BTBD8: variants seen among roughly 807,000 people sequenced by gnomAD.
The protein encoded by BTBD8 is BTB domain containing 8, also known as BTB/POZ domain-containing protein 8.
A neutral mutation model predicts 162.9 loss-of-function variants in BTBD8; 110 were observed. The ratio of observed to expected loss-of-function variants is 0.68; its 90% CI spans 0.58 to 0.79. The LOEUF (loss-of-function observed/expected upper bound fraction) is 0.79, where lower values mean the gene tolerates loss of function less well. BTBD8 is among the 30% of genes least tolerant of loss of function. BTBD8 has a pLI of 0.00. For synonymous variants in BTBD8, 667 were observed against 716.1 expected (o/e 0.93, Z 1.10); for missense variants, 1,905 against 2,085.4 (o/e 0.91, Z 1.68).
chr1:92,182,091 G>A lies in BTBD8; in HGVS notation c.4408G>A (p.Asp1470Asn). 3 of 1,551,566 alleles carry A rather than the reference G, an allele frequency of 1.9e-6. No homozygotes were observed. The highest frequency in any genetic ancestry group is 2.6e-6 in the Non-Finnish European group (3 of 1,146,932). The change falls in exon 17 of 18, where the codon GAT (aspartate) becomes AAT (asparagine). Residue 1470 changes from aspartate (D) to asparagine (N), a missense_variant. Asp to Asn is a conservative substitution (Grantham distance 23). Coordinates refer to ENST00000636805, the MANE Select transcript of BTBD8 (RefSeq NM_001376131.1). ...TTCTGTAGATTCTTTTTCACCTTCT[G>A]ATGTTTTTGATGGCATTTCTCATGA... ...QASVDSFSPS[D>N]VFDGISHEHH...
At chr1:92,168,819 A>C in intron 11 of BTBD8, 47 bp from the exon 12 acceptor site, 1 of 1,456,780 alleles carries the variant, frequency 6.9e-7, no homozygotes, top group Non-Finnish European at 9.2e-7. Flanking sequence ...ACTGGTTGCT[A>C]TGACAATGTG....
At chr1:92,104,459 A>G (rs1648673889) in intron 3 of BTBD8, among the ~76,000 whole-genome samples, 2 of 152,238 alleles carry the variant, frequency 1.3e-5, no homozygotes, top group Non-Finnish European at 2.9e-5. Flanking sequence ...TCTAAGACTC[A>G]GAGAGCATAA....
rs79606793 is a variant in BTBD8, at chr1:92,176,927, G to C, written c.1734G>C (p.Lys578Asn). The change falls in exon 14 of 18, where the codon AAG becomes AAC. Residue 578 changes from lysine to asparagine, a missense_variant. By Grantham distance (94) the Lys-to-Asn change is moderately conservative. Around this residue, in one of 3 missense-constraint regions of BTBD8, gnomAD observed 1,374 missense variants for 1,442.7 expected, o/e 0.95. Coordinates refer to ENST00000636805, the MANE Select transcript of BTBD8 (RefSeq NM_001376131.1). ...ECWSYLSTNK[K>N]MKSDGLGASG... ...GGAGTTATCTCTCTACTAATAAAAA[G>C]ATGAAATCTGATGGATTAGGAGCAT... 9 of 1,538,874 alleles carry C rather than the reference G, an allele frequency of 5.8e-6. No individual in the cohort carries two copies. The highest frequency in any genetic ancestry group is 1.4e-5 in the African/African-American group (1 of 72,302).
Position 92,108,000 on chromosome 1 carries a change from AG to A in BTBD8, c.662+1del. The A allele has an allele frequency of 6.2e-7, 1 of 1,608,264 alleles. No individual in the cohort carries two copies. Among genetic ancestry groups the A allele is most frequent in the Non-Finnish European group, 8.5e-7 (1 of 1,174,802 alleles). On this transcript the variant is annotated frameshift_variant and splice_region_variant, in exon 4 of 18. Transcript: ENST00000636805. LOFTEE classifies it high-confidence loss of function. ...TGATGGAAAACGTTTTAAAGCTCAC[AG>A]GTAAATAGACACGACTGATTTGCTG... ...FVDGKRFKAH[R>X]AILSARSSYF...
chr1:92,081,730 C>G (rs774631277), intron 1 of BTBD8, among the ~76,000 whole-genome samples: 1 of 152,126 alleles, frequency 6.6e-6, no homozygotes, highest in East Asian at 1.9e-4. Flanking sequence ...CGCGCCACCA[C>G]GCCCGGCTAA....
intron 9 of BTBD8, among the ~76,000 whole-genome samples, chr1:92,156,602 C>T (rs1650162845): frequency 6.6e-6 from 1 of 152,122 alleles, no homozygotes; most frequent in African/African-American, 2.4e-5. Flanking sequence ...CTTTTTATTA[C>T]AGCTCAATCT....
At chr1:92,170,577 A>G (rs1027440715) in intron 12 of BTBD8, among the ~76,000 whole-genome samples, 2 of 152,172 alleles carry the variant, frequency 1.3e-5, no homozygotes, top group Non-Finnish European at 2.9e-5. Context: ...TGGAAGATGC[A>G]TGGTAGTTAC....
intron 4 of BTBD8, among the ~76,000 whole-genome samples, chr1:92,118,807 T>C (rs951129898): frequency 4.1e-5 from 6 of 144,710 alleles, no homozygotes; most frequent in Non-Finnish European, 7.5e-5. Flanking sequence ...TTCTTTCTTT[T>C]TTTTTTTTTT....
intron 16 of BTBD8, among the ~76,000 whole-genome samples, chr1:92,179,888 C>G (rs1281000816): frequency 1.3e-5 from 2 of 151,340 alleles, no homozygotes; most frequent in Non-Finnish European, 2.9e-5. Context: ...TTTTTTTTCT[C>G]CAAAAACTTC....
chr1:92,140,992 T>C, intron 6 of BTBD8, 123 bp from the exon 7 acceptor site: 1 of 1,095,406 alleles, frequency 9.1e-7, no homozygotes, highest in Non-Finnish European at 1.2e-6. Flanking sequence ...GGCAGAAAAT[T>C]AGAATTAAAA....
chr1:92,138,953 A>G (rs1183080191), intron 5 of BTBD8, among the ~76,000 whole-genome samples: 4 of 152,228 alleles, frequency 2.6e-5, no homozygotes, highest in Non-Finnish European at 1.5e-5. Context: ...GTGCAGCATA[A>G]CAAGAATCTT....
rs199529094 is a variant in BTBD8 at position 92,129,679 on chromosome 1, C to G, written c.663-8C>G. The G allele has an allele frequency of 6.2e-7, 1 of 1,610,540 alleles. No homozygotes were observed. The highest frequency in any genetic ancestry group is 1.7e-5 in the Admixed American group (1 of 59,990). On this transcript the variant is annotated splice_polypyrimidine_tract_variant and splice_region_variant and intron_variant, in intron 4 of 17. Coordinates refer to ENST00000636805, the MANE Select transcript of BTBD8 (RefSeq NM_001376131.1). The stretch of plus-strand genomic sequence containing the variant: ...TTTACCTGTGTTTCTCCCCCCTCTT[C>G]CCTTTAGGGCCATTTTGAGTGCCAG...
At position 92,091,807 on chromosome 1, in the gene BTBD8, AT is replaced by A. The variant is rs61698333; in HGVS notation, c.347+2916del. On this transcript the variant is annotated intron_variant, in intron 2 of 17. Transcript: ENST00000636805. ...TCTTACATTTATAGGTCTTTGATCCATTTTGAGTTAATTGCCATGTATTGCG... is the reference window on the plus strand; with the variant it reads ...TCTTACATTTATAGGTCTTTGATCCATTTGAGTTAATTGCCATGTATTGCG... Among the ~76,000 whole-genome samples the A allele has an allele frequency of 6.0e-3, 919 of 152,250 alleles. 9 individuals are homozygous for A. The highest frequency in any genetic ancestry group is 0.021 in the African/African-American group (860 of 41,526).
chr1:92,159,515 A>C (rs1353971259), intron 9 of BTBD8, among the ~76,000 whole-genome samples: 1 of 151,982 alleles, frequency 6.6e-6, no homozygotes, highest in Non-Finnish European at 1.5e-5. Flanking sequence ...ATATTTTCTT[A>C]TGCTCTCATG....
At chr1:92,134,442 T>C (rs2101934281) in intron 5 of BTBD8, among the ~76,000 whole-genome samples, 1 of 152,322 alleles carries the variant, frequency 6.6e-6, no homozygotes, top group South Asian at 2.1e-4. Context: ...CTCCAATAAG[T>C]TCATTCCTGC....
At chr1:92,145,376 G>A (rs1415199069) in intron 7 of BTBD8, among the ~76,000 whole-genome samples, 1 of 152,118 alleles carries the variant, frequency 6.6e-6, no homozygotes, top group African/African-American at 2.4e-5. Flanking sequence ...CTTACCAGAA[G>A]GACTATGCTG....
chr1:92,109,301 A>G (rs186547902), intron 4 of BTBD8, among the ~76,000 whole-genome samples: 11 of 130,184 alleles, frequency 8.4e-5, no homozygotes, highest in Admixed American at 5.3e-4. Context: ...AATTAATTTT[A>G]TTTTGTGTCC....
At chr1:92,147,376 G>T in intron 8 of BTBD8, 108 bp downstream of exon 8, 2 of 879,620 alleles carry the variant, frequency 2.3e-6, no homozygotes, top group Non-Finnish European at 1.8e-6. Context: ...TGGACACAAT[G>T]TAAGTAAGTA....
In BTBD8 at chr1:92,177,530, C is replaced by A; in HGVS notation, c.2337C>A (p.Val779=). 6.5e-7 allele frequency: 1 copy of A among 1,533,764 alleles called. No homozygotes were observed. Among genetic ancestry groups the A allele is most frequent in the South Asian group, 1.2e-5 (1 of 81,936 alleles). ...TGATGAAAAACAGTGTAGATAGTGT[C>A]AAAAATTCCACTGTAGGTGGGTTTT... The part of the protein sequence containing the change: ...GQMMKNSVDS[V]KNSTVAIKSR... The change falls in exon 14 of 18, where the codon GTC becomes GTA. Residue 779 remains valine (V), a synonymous_variant. Transcript: ENST00000636805.
Sources: gnomAD v4.1 joint callset for allele counts (sites outside exome capture counted in the v4.1 genomes callset) on GRCh38, gnomAD v4.1.1 for gene constraint, gnomAD v4.1.1 regional missense constraint, MANE v1.5 for transcripts, NCBI Gene and HGNC (gene_info 2026-07-23, HGNC 2026-07-21) for gene names.